LGR4: variants seen among roughly 807,000 people sequenced by gnomAD.
The protein encoded by LGR4 is leucine-rich repeat-containing G protein-coupled receptor 4.
Under a neutral mutation model 84.8 loss-of-function variants are expected in LGR4, and 44 were observed. The ratio of observed to expected loss-of-function variants is 0.52; its 90% CI spans 0.41 to 0.67. LGR4 has a LOEUF of 0.67. LGR4 is among the 30% of genes least tolerant of loss of function. The pLI, the probability that LGR4 is intolerant of heterozygous loss-of-function variation, is 0.00. For missense variants in LGR4, 1,032 were observed against 1,131.4 expected (o/e 0.91, Z 1.26); for synonymous variants, 429 against 434.3 (o/e 0.99, Z 0.15).
chr11:27,444,490 T>C (rs1864354933), intron 1 of LGR4, among the ~76,000 whole-genome samples: 1 of 152,204 alleles, frequency 6.6e-6, no homozygotes, highest in African/African-American at 2.4e-5. Flanking sequence ...CAAAGGGTCA[T>C]ACAAGTTGGA....
Position 27,441,219 on chromosome 11 carries a change from G to A in LGR4, c.186-28359C>T, listed in dbSNP as rs187233854. Reference sequence around the variant, plus strand: ...GCATAGGTGAGGCAACTAGAACCCAGAGGCTAAATGATGTGAACAAGATCA... The same window carrying A: ...GCATAGGTGAGGCAACTAGAACCCAAAGGCTAAATGATGTGAACAAGATCA... On this transcript the variant is annotated intron_variant, in intron 1 of 17. Transcript: ENST00000379214. Among the ~76,000 whole-genome samples the A allele has an allele frequency of 3.0e-3, 462 of 152,200 alleles. 9 individuals are homozygous for A. Among genetic ancestry groups the A allele is most frequent in the Non-Finnish European group, 1.7e-3 (113 of 68,020 alleles).
intron 7 of LGR4, among the ~76,000 whole-genome samples, chr11:27,381,696 TACAA>T (rs1863097298): frequency 1.1e-5 from 1 of 94,724 alleles, no homozygotes; most frequent in South Asian, 4.7e-4. Context: ...TCTCAAAACA[TACAA>T]ACAATCAAAA....
intron 3 of LGR4, 121 bp from the exon 4 acceptor site, chr11:27,391,286 G>A: frequency 1.7e-6 from 1 of 577,036 alleles, no homozygotes; most frequent in Non-Finnish European, 3.1e-6. Flanking sequence ...TGGGGGGGAG[G>A]TGGAGGTGGA....
rs746797439 is a variant in LGR4, at chr11:27,369,145, T to TA, written c.1580-3dup. 4.6e-5 allele frequency: 72 copies of TA among 1,569,154 alleles called. No homozygotes were observed. The highest frequency in any genetic ancestry group is 3.6e-4 in the Middle Eastern group (2 of 5,608). On this transcript the variant is annotated splice_polypyrimidine_tract_variant and splice_region_variant and intron_variant, in intron 17 of 17. Coordinates refer to ENST00000379214, the MANE Select transcript of LGR4 (RefSeq NM_018490.5). ...AATATTCACAGGGCTTAAAAGCACC[T>TA]AAAAAAAACACACACAGAGAGAGAG... is the stretch of plus-strand genomic sequence containing the variant.
At chr11:27,406,436 C>T (rs1462219318) in intron 2 of LGR4, among the ~76,000 whole-genome samples, 1 of 152,126 alleles carries the variant, frequency 6.6e-6, no homozygotes, top group Non-Finnish European at 1.5e-5. Flanking sequence ...GGGTCAGTTA[C>T]TTAACCTCTC....
chr11:27,384,053 CA>C (rs1482113747), intron 6 of LGR4, among the ~76,000 whole-genome samples: 2 of 152,138 alleles, frequency 1.3e-5, no homozygotes, highest in Non-Finnish European at 2.9e-5. Flanking sequence ...ATACATTTAA[CA>C]AAACCAACAT....
Position 27,368,902 on chromosome 11 carries a change from T to G in LGR4, c.1821A>C (p.Glu607Asp), listed in dbSNP as rs373408874. 5 of 1,614,192 alleles carry G rather than the reference T, an allele frequency of 3.1e-6. No individual in the cohort carries two copies. Among genetic ancestry groups the G allele is most frequent in the Admixed American group, 1.7e-5 (1 of 60,008 alleles). The part of the protein sequence containing the change: ...LDAVSWGRFA[E>D]FGIWWETGSG... The stretch of plus-strand genomic sequence containing the variant: ...TGCCAGTTTCCCACCAAATGCCAAA[T>G]TCAGCGAATCTGCCCCAGGACACAG... The change falls in exon 18 of 18, where the codon GAA becomes GAC. Residue 607 changes from glutamate to aspartate, a missense_variant. Physicochemically the swap from Glu to Asp is conservative, Grantham distance 45 (BLOSUM62 2). Coordinates refer to ENST00000379214, the MANE Select transcript of LGR4 (RefSeq NM_018490.5).
chr11:27,430,807 A>G (rs913409703), intron 1 of LGR4, among the ~76,000 whole-genome samples: 1 of 152,114 alleles, frequency 6.6e-6, no homozygotes, highest in Non-Finnish European at 1.5e-5. Context: ...TCCAGTGCTT[A>G]GCAGTCTCTT....
At chr11:27,447,051 G>A (rs1464046300) in intron 1 of LGR4, among the ~76,000 whole-genome samples, 2 of 150,592 alleles carry the variant, frequency 1.3e-5, no homozygotes, top group African/African-American at 4.9e-5. Flanking sequence ...CAGGGGAGGG[G>A]GGAGGGATAG....
At chr11:27,430,907 A>C (rs1864104842) in intron 1 of LGR4, among the ~76,000 whole-genome samples, 1 of 150,202 alleles carries the variant, frequency 6.7e-6, no homozygotes, top group African/African-American at 2.5e-5. Context: ...AGCTCCCCCA[A>C]CCCCCACAAG....
chr11:27,403,338 G>A (rs1863539523), intron 2 of LGR4, among the ~76,000 whole-genome samples: 1 of 152,190 alleles, frequency 6.6e-6, no homozygotes, highest in Non-Finnish European at 1.5e-5. Context: ...GCATGTGCCA[G>A]CTACTCAGGA....
chr11:27,372,141 A>G, intron 16 of LGR4, 142 bp downstream of exon 16: 1 of 644,972 alleles, frequency 1.6e-6, no homozygotes, highest in Non-Finnish European at 2.7e-6. Flanking sequence ...CTGAGATTAC[A>G]GGCATGAGCC....
chr11:27,424,443 G>A (rs1863982741), intron 1 of LGR4, among the ~76,000 whole-genome samples: 1 of 152,140 alleles, frequency 6.6e-6, no homozygotes, highest in Admixed American at 6.5e-5. Context: ...AGGCTGCAGT[G>A]AGCCAAGATG....
chr11:27,383,021 A>C (rs1863126774), intron 6 of LGR4, among the ~76,000 whole-genome samples: 1 of 152,144 alleles, frequency 6.6e-6, no homozygotes, highest in African/African-American at 2.4e-5. Context: ...GTCTCAAAAA[A>C]AATAAAAAAT....
intron 1 of LGR4, among the ~76,000 whole-genome samples, chr11:27,424,029 C>T (rs1325153223): frequency 6.6e-6 from 1 of 152,170 alleles, no homozygotes; most frequent in African/African-American, 2.4e-5. Context: ...TGCTTTATGA[C>T]ATTTACCTGA....
chr11:27,453,378 T>C (rs1864519256), intron 1 of LGR4, among the ~76,000 whole-genome samples: 1 of 152,230 alleles, frequency 6.6e-6, no homozygotes, highest in Admixed American at 6.5e-5. Context: ...AGAGGAACTT[T>C]TTAAATTTTG....
rs906762522 is a variant in LGR4, at chr11:27,398,901, C to G, written c.258-6383G>C. On this transcript the variant is annotated intron_variant, in intron 2 of 17. Transcript: ENST00000379214. ...AATGTTTTCTCCTCTTCCTCTTTCTCTCTCTCTCTCTTTCTCTTTTTTGAG... is the reference window on the plus strand; with the variant it reads ...AATGTTTTCTCCTCTTCCTCTTTCTGTCTCTCTCTCTTTCTCTTTTTTGAG... Among the ~76,000 whole-genome samples the G allele has an allele frequency of 3.9e-5, 6 of 152,202 alleles. No homozygotes were observed. The South Asian group carries it at 1.2e-3, about 32-fold the overall frequency.
Position 27,368,346 on chromosome 11 carries a change from G to T in LGR4, c.2377C>A (p.Pro793Thr). Residue 793 changes from proline (P) to threonine (T), a missense_variant, in exon 18 of 18, where the codon CCT becomes ACT. Physicochemically the swap from Pro to Thr is conservative, Grantham distance 38. Transcript: ENST00000379214. Reference protein sequence around the residue: ...KSVTLIFFPLPACLNPVLYVF... With the variant: ...KSVTLIFFPLTACLNPVLYVF... Reference sequence around the variant, plus strand: ...TACAGGACTGGATTCAGGCAAGCAGGCAATGGAAAAAATATCAGAGTAACA... The same window carrying T: ...TACAGGACTGGATTCAGGCAAGCAGTCAATGGAAAAAATATCAGAGTAACA... 6.2e-7 allele frequency: 1 copy of T among 1,614,096 alleles called. No individual in the cohort carries two copies.
Position 27,368,866 on chromosome 11 carries a change from T to G in LGR4, c.1857A>C (p.Lys619Asn), listed in dbSNP as rs769015281. ...GIWWETGSGC[K>N]VAGFLAVFSS... ...AGAAAACTGCAAGAAACCCAGCTACTTTGCAGCCACTGCCAGTTTCCCACC... is the reference window on the plus strand; with the variant it reads ...AGAAAACTGCAAGAAACCCAGCTACGTTGCAGCCACTGCCAGTTTCCCACC... The change falls in exon 18 of 18, where the codon AAA becomes AAC. Residue 619 changes from lysine to asparagine, a missense_variant. Physicochemically the swap from Lys to Asn is moderately conservative, Grantham distance 94. Transcript: ENST00000379214. The G allele has an allele frequency of 6.2e-7, 1 of 1,614,164 alleles. No individual in the cohort carries two copies. The highest frequency in any genetic ancestry group is 8.5e-7 in the Non-Finnish European group (1 of 1,180,016).
Sources: allele counts gnomAD v4.1 joint callset (sites outside exome capture counted in the v4.1 genomes callset), GRCh38; gene constraint gnomAD v4.1.1; transcripts MANE v1.5; gene names NCBI Gene and HGNC (gene_info 2026-07-23, HGNC 2026-07-21).